LGALS13: variants seen among roughly 807,000 people sequenced by gnomAD.
The protein encoded by LGALS13 is galectin 13, also known as galactoside-binding soluble lectin 13.
LGALS13 carries 11 observed loss-of-function variants against 13.2 expected under a neutral mutation model. The ratio of observed to expected loss-of-function variants is 0.83; its 90% CI spans 0.52 to 1.38. LGALS13 has a LOEUF of 1.38. Among genes scored for constraint, LGALS13 ranks in the 40% most tolerant of loss-of-function variants. The probability of loss-of-function intolerance (pLI) is 0.00; values close to 1 mark genes in which losing one functional copy is unlikely to be tolerated. For missense variants in LGALS13, 183 were observed against 174.3 expected (o/e 1.05, Z -0.28); for synonymous variants, 71 against 63.7 (o/e 1.11, Z -0.54).
chr19:39,602,597 G>A lies in LGALS13; in HGVS notation c.15+14G>A. ...TCTTCTTTACCCGTGAGTTGAAAAG[G>A]CACAGCCTTCAAAAATTTCGTGTCA... On this transcript the variant is annotated intron_variant, in intron 1 of 3. Coordinates refer to ENST00000221797, the MANE Select transcript of LGALS13 (RefSeq NM_013268.3). 6.2e-7 allele frequency: 1 copy of A among 1,613,884 alleles called. No homozygotes were observed. The highest frequency in any genetic ancestry group is 1.1e-5 in the South Asian group (1 of 91,078).
chr19:39,605,771 G>A (rs891736572), intron 3 of LGALS13, among the ~76,000 whole-genome samples: 1 of 151,956 alleles, frequency 6.6e-6, no homozygotes, highest in African/African-American at 2.4e-5. Flanking sequence ...CTCATTTTGG[G>A]GCCCGAATTC....
rs1017730102 is a variant in LGALS13 at position 39,604,547 on chromosome 19, G to A, written c.16-55G>A. 15 of 1,587,110 alleles carry A rather than the reference G, an allele frequency of 9.5e-6. No individual in the cohort carries two copies. The African/African-American group carries it at 1.7e-4, about 18-fold the overall frequency. On this transcript the variant is annotated intron_variant, in intron 1 of 3. Transcript: ENST00000221797. ...CCTGCACCATGAGAATATGTTACAG[G>A]AGGGGAGACTGCACCTGACCCTGCA...
intron 1 of LGALS13, 28 bp from the exon 2 acceptor site, chr19:39,604,574 C>T: frequency 6.2e-7 from 1 of 1,613,292 alleles, no homozygotes; most frequent in Non-Finnish European, 8.5e-7. Flanking sequence ...GACCCTGCAC[C>T]TCTCACTTAC....
intron 1 of LGALS13, 136 bp from the exon 2 acceptor site, chr19:39,604,466 A>G: frequency 1.2e-5 from 11 of 954,772 alleles, no homozygotes; most frequent in Non-Finnish European, 1.8e-5. Flanking sequence ...TGGGGCCCTG[A>G]ATGCGGTAGG....
At chr19:39,605,823 A>G (rs1972680052) in intron 3 of LGALS13, among the ~76,000 whole-genome samples, 1 of 151,512 alleles carries the variant, frequency 6.6e-6, no homozygotes, top group Admixed American at 6.6e-5. Context: ...TTTCATTCAA[A>G]GAGGTTTTGT....
At chr19:39,602,697 A>G in intron 1 of LGALS13, 114 bp downstream of exon 1, 1 of 1,038,044 alleles carries the variant, frequency 9.6e-7, no homozygotes, top group Non-Finnish European at 1.5e-6. Flanking sequence ...CTTTACTTAG[A>G]GCTATTGAGG....
intron 3 of LGALS13, 97 bp downstream of exon 3, chr19:39,605,485 A>T: frequency 1.0e-6 from 1 of 989,052 alleles, no homozygotes; most frequent in Non-Finnish European, 1.6e-6. Context: ...GTCAGGGTCC[A>T]TCTCCCATAA....
At chr19:39,606,782 G>A (rs1009918570) in intron 3 of LGALS13, among the ~76,000 whole-genome samples, 2 of 152,198 alleles carry the variant, frequency 1.3e-5, no homozygotes, top group Non-Finnish European at 2.9e-5. Flanking sequence ...CTCAGATGTA[G>A]GTTACTCCAA....
chr19:39,605,358 G>T lies in LGALS13; in HGVS notation c.273G>T (p.Leu91=). ...TTGAGGATGGCAAACAATTTGAGCT[G>T]TGCATCTACGTACATTACAATGAGT... The part of the protein sequence containing the change: ...VPFEDGKQFE[L]CIYVHYNEYE... Residue 91 remains leucine (L), a synonymous_variant, in exon 3 of 4, where the codon CTG becomes CTT. Coordinates refer to ENST00000221797, the MANE Select transcript of LGALS13 (RefSeq NM_013268.3). 9 of 1,614,076 alleles carry T rather than the reference G, an allele frequency of 5.6e-6. No individual in the cohort carries two copies. The highest frequency in any genetic ancestry group is 7.6e-6 in the Non-Finnish European group (9 of 1,180,028).
chr19:39,607,178 T>G (rs1345258288), intron 3 of LGALS13, 45 bp from the exon 4 acceptor site: 1 of 1,451,954 alleles, frequency 6.9e-7, no homozygotes, highest in Non-Finnish European at 9.7e-7. Context: ...GCCGAAAACT[T>G]GTTTGGTGGC....
rs770600151 is a variant in LGALS13 at position 39,602,583 on chromosome 19, C to T, written c.15C>T (p.Pro5=). The change falls in exon 1 of 4, where the codon CCC becomes CCT. Residue 5 remains proline, a splice_region_variant and synonymous_variant. Transcript: ENST00000221797. ...AGGAGAGAACAATGTCTTCTTTACC[C>T]GTGAGTTGAAAAGGCACAGCCTTCA... The part of the protein sequence containing the change: MSSL[P]VPYKLPVSLS... 3.7e-5 allele frequency: 59 copies of T among 1,613,886 alleles called. No homozygotes were observed. Among genetic ancestry groups the T allele is most frequent in the Middle Eastern group, 1.6e-4 (1 of 6,084 alleles).
intron 3 of LGALS13, among the ~76,000 whole-genome samples, chr19:39,605,672 T>C (rs1319688417): frequency 6.6e-6 from 1 of 152,084 alleles, no homozygotes; most frequent in African/African-American, 2.4e-5. Context: ...ATTTAAATTT[T>C]CATTTAGCTG....
chr19:39,602,567 C>A lies in LGALS13; in HGVS notation c.-2C>A. The A allele has an allele frequency of 1.2e-6, 2 of 1,614,100 alleles. No homozygotes were observed. Among genetic ancestry groups the A allele is most frequent in the Non-Finnish European group, 1.7e-6 (2 of 1,179,950 alleles). Reference sequence around the variant, plus strand: ...CTGAAGGTCGCCAAGAAGGAGAGAACAATGTCTTCTTTACCCGTGAGTTGA... The same window carrying A: ...CTGAAGGTCGCCAAGAAGGAGAGAAAAATGTCTTCTTTACCCGTGAGTTGA... On this transcript the variant is annotated 5_prime_UTR_variant, in exon 1 of 4. Transcript: ENST00000221797.
intron 2 of LGALS13, 100 bp downstream of exon 2, chr19:39,604,778 A>G: frequency 2.1e-6 from 3 of 1,415,246 alleles, no homozygotes; most frequent in South Asian, 1.1e-5. Flanking sequence ...TCTAGTTGGC[A>G]GAATGGAGGC....
intron 2 of LGALS13, 71 bp downstream of exon 2, chr19:39,604,749 T>C (rs1018094984): frequency 1.7e-5 from 27 of 1,558,698 alleles, no homozygotes; most frequent in Non-Finnish European, 2.2e-5. Context: ...TGACCTTACA[T>C]GTGGGTGATG....
Position 39,607,446 on chromosome 19 carries a change from C to T in LGALS13, c.*107C>T, listed in dbSNP as rs561867181. On this transcript the variant is annotated 3_prime_UTR_variant, in exon 4 of 4. Transcript: ENST00000221797. Reference sequence around the variant, plus strand: ...ATCCCTGCTCACATTTTCCCCTACACTTTGTCATTAAAACAGCACGAAAAC... The same window carrying T: ...ATCCCTGCTCACATTTTCCCCTACATTTTGTCATTAAAACAGCACGAAAAC... 1.0e-4 allele frequency: 83 copies of T among 800,466 alleles called. No homozygotes were observed. Among genetic ancestry groups the T allele is most frequent in the African/African-American group, 7.2e-4 (43 of 59,410 alleles). 49.6% of individuals were successfully genotyped at this position (800,466 alleles called of 1,614,324 possible). A position where few individuals can be genotyped will look rare whatever the true frequency, so the allele number is the denominator to read the frequency against.
chr19:39,606,491 A>C (rs1600800694), intron 3 of LGALS13, among the ~76,000 whole-genome samples: 1 of 152,202 alleles, frequency 6.6e-6, no homozygotes, highest in East Asian at 1.9e-4. Flanking sequence ...ACTAGAAGAT[A>C]ATTACAAAAA....
rs774190600 is a variant in LGALS13, at chr19:39,602,533, G to T, written c.-36G>T. 2.5e-6 allele frequency: 4 copies of T among 1,610,414 alleles called. No individual in the cohort carries two copies. The Admixed American group carries it at 5.0e-5, about 20-fold the overall frequency. ...ACTCAGAGATTCACTCAGAAGACTG[G>T]ACTCAATTCTGAAGGTCGCCAAGAA... On this transcript the variant is annotated 5_prime_UTR_variant, in exon 1 of 4. Coordinates refer to ENST00000221797, the MANE Select transcript of LGALS13 (RefSeq NM_013268.3).
rs193269928 is a variant in LGALS13 at position 39,607,319 on chromosome 19, T to C, written c.400T>C (p.Ser134Pro). 8.3e-5 allele frequency: 134 copies of C among 1,610,918 alleles called. 2 individuals carry two copies. In the Admixed American group the frequency reaches 1.8e-3, roughly 21 times the overall value. ...VQVSRDISLT[S>P]VCVCN is the part of the protein sequence containing the mutation. ...AGTGTCGAGAGATATCTCCCTGACC[T>C]CAGTGTGTGTCTGCAATTGAGGGAG... The change falls in exon 4 of 4, where the codon TCA becomes CCA. Residue 134 changes from serine to proline, a missense_variant. Coordinates refer to ENST00000221797, the MANE Select transcript of LGALS13 (RefSeq NM_013268.3).
Sources: allele counts gnomAD v4.1 joint callset (sites outside exome capture counted in the v4.1 genomes callset), GRCh38; gene constraint gnomAD v4.1.1; transcripts MANE v1.5; gene names NCBI Gene and HGNC (gene_info 2026-07-23, HGNC 2026-07-21).